PLEKHG4B: variants seen among roughly 807,000 people sequenced by gnomAD.
PLEKHG4B encodes pleckstrin homology domain-containing family G member 4B.
Under a neutral mutation model 121.3 loss-of-function variants are expected in PLEKHG4B, and 111 were observed. The observed-to-expected ratio is 0.92, with a 90% CI of 0.78 to 1.07. PLEKHG4B has a LOEUF of 1.07. Among genes scored for constraint, PLEKHG4B ranks in the 50% least tolerant of loss-of-function variants. PLEKHG4B has a pLI of 0.00. For synonymous variants in PLEKHG4B, 738 were observed against 725.0 expected, an observed-to-expected ratio of 1.02 and a Z score of -0.29; for missense variants, 1,831 against 1,757.8, an observed-to-expected ratio of 1.04 and a Z score of -0.74.
In PLEKHG4B at chr5:169,833, G is replaced by A. The variant is rs535624832; in HGVS notation, c.3729+241G>A. 6.6e-5 allele frequency among the ~76,000 whole-genome samples: 10 copies of A among 152,356 alleles called. No homozygotes were observed. The South Asian group carries it at 2.1e-3, about 32-fold the overall frequency. On this transcript the variant is annotated intron_variant, in intron 14 of 19. Transcript: ENST00000637938. ...GACCGACTGTGTCCCTGCTGCCCCT[G>A]GAGGCGGAGGCTCACAGACACCATC...
chr5:141,898 C>T (rs571777159), intron 3 of PLEKHG4B, among the ~76,000 whole-genome samples: 2 of 152,244 alleles, frequency 1.3e-5, no homozygotes, highest in Non-Finnish European at 2.9e-5. Flanking sequence ...TGGAGACAGC[C>T]ACGCCTGCCC....
chr5:181,384 G>A (rs61710713), intron 18 of PLEKHG4B, 130 bp from the exon 19 acceptor site: 50,588 of 943,708 alleles, frequency 0.054, 2,658 homozygotes, highest in African/African-American at 0.24. Context: ...CATGCCCCTC[G>A]TGGGGCAGGG....
rs530347413 is a variant in PLEKHG4B at position 174,994 on chromosome 5, TG to T, written c.4402+901del. On this transcript the variant is annotated intron_variant, in intron 18 of 19. Transcript: ENST00000637938. The stretch of plus-strand genomic sequence containing the variant: ...AGAGGCCCACCCGGTCTGGGGCACC[TG>T]GGGGCTCCTCGGTCAGCACTTGACA... Among the ~76,000 whole-genome samples the T allele has an allele frequency of 9.9e-5, 15 of 152,224 alleles. No individual in the cohort carries two copies. In the East Asian group the frequency reaches 2.5e-3, roughly 25 times the overall value.
At chr5:130,171 C>T (rs1397076054) in intron 2 of PLEKHG4B, among the ~76,000 whole-genome samples, 1 of 152,040 alleles carries the variant, frequency 6.6e-6, no homozygotes, top group East Asian at 1.9e-4. Flanking sequence ...AAATTGATGG[C>T]AGAAACATCT....
rs1735911114 is a variant in PLEKHG4B at position 159,231 on chromosome 5, TGCACTGAGGGCAGGTGTGCCTGAGGGTC to T, written c.2487+2323_2487+2350del. 8.1e-6 allele frequency among the ~76,000 whole-genome samples: 1 copy of T among 122,880 alleles called. No individual in the cohort carries two copies. The highest frequency in any genetic ancestry group is 1.7e-5 in the Non-Finnish European group (1 of 59,084). The allele number at this position is 122,880 out of a possible 152,430, so 80.6% of individuals were successfully genotyped here. ...CAGGTGTGCCTGAGGGTCGCCCAGG[TGCACTGAGGGCAGGTGTGCCTGAGGGTC>T]GCCCAGGTGCACTGAGGGCAGGTGT... On this transcript the variant is annotated intron_variant, in intron 11 of 19. Transcript: ENST00000637938. This position sits in a 1 kb window ranked among gnomAD's most constrained non-coding sequence, Gnocchi z 5.5.
intron 14 of PLEKHG4B, among the ~76,000 whole-genome samples, chr5:170,102 A>G (rs895814918): frequency 2.6e-5 from 4 of 152,214 alleles, no homozygotes; most frequent in African/African-American, 9.7e-5. Flanking sequence ...GTTGCTTCTC[A>G]GTGATGAATG....
intron 18 of PLEKHG4B, 75 bp from the exon 19 acceptor site, chr5:181,439 G>A (rs747425024): frequency 2.9e-5 from 43 of 1,485,398 alleles, no homozygotes; most frequent in Non-Finnish European, 3.6e-5. Context: ...GAGGGCATTA[G>A]GGGTACCGGG....
At chr5:98,837 C>CTTTTTTTTTTTTT (rs925964165) in intron 1 of PLEKHG4B, among the ~76,000 whole-genome samples, 1 of 79,298 alleles carries the variant, frequency 1.3e-5, no homozygotes, top group African/African-American at 5.2e-5. Context: ...TTGAATTTTC[C>CTTTTTTTTTTTTT]TTTTTTTTTT....
chr5:177,012 G>A (rs1401727148), intron 18 of PLEKHG4B, among the ~76,000 whole-genome samples: 4 of 152,272 alleles, frequency 2.6e-5, no homozygotes, highest in East Asian at 3.9e-4. Context: ...GTCACTTAAG[G>A]CCTCTTGACT....
chr5:115,702 G>A (rs1734284238), intron 2 of PLEKHG4B, among the ~76,000 whole-genome samples: 1 of 152,194 alleles, frequency 6.6e-6, no homozygotes, highest in Non-Finnish European at 1.5e-5. Context: ...ACGTTAAGGA[G>A]ATGGCTTCTT....
At chr5:148,431 A>G (rs1308469848) in intron 6 of PLEKHG4B, among the ~76,000 whole-genome samples, 1 of 152,194 alleles carries the variant, frequency 6.6e-6, no homozygotes, top group African/African-American at 2.4e-5. Context: ...ACACTTCTCT[A>G]TGCTAACAGT....
At chr5:167,881 T>C (rs1736404630) in intron 13 of PLEKHG4B, among the ~76,000 whole-genome samples, 1 of 152,254 alleles carries the variant, frequency 6.6e-6, no homozygotes, top group South Asian at 2.1e-4. Flanking sequence ...TTTTGGATGC[T>C]TAGCATGTTT....
Position 151,588 on chromosome 5 carries a change from G to T in PLEKHG4B, c.1981G>T (p.Ala661Ser), listed in dbSNP as rs1735606917. The T allele has an allele frequency of 6.3e-7, 1 of 1,582,686 alleles. No individual in the cohort carries two copies. The stretch of plus-strand genomic sequence containing the variant: ...ATCTGCATTTAGGCCTGACAAGGAT[G>T]CAATAATTCAGGTAATGGTTTAGAC... ...KESAFRPDKDAIIQCEVVSSL... is the reference protein window; with the variant it reads ...KESAFRPDKDSIIQCEVVSSL... Residue 661 changes from alanine to serine, a missense_variant, in exon 7 of 20, where the codon GCA (alanine) becomes TCA (serine). Ala to Ser is a moderately conservative substitution (Grantham distance 99, BLOSUM62 1). Coordinates refer to ENST00000637938, the MANE Select transcript of PLEKHG4B (RefSeq NM_052909.5).
intron 7 of PLEKHG4B, 98 bp downstream of exon 7, chr5:151,697 A>G: frequency 1.3e-6 from 1 of 766,580 alleles, no homozygotes; most frequent in African/African-American, 1.8e-5. Context: ...GATAAGTTCT[A>G]ATTGCATCCA....
At chr5:154,206 G>C (rs754403882) in intron 7 of PLEKHG4B, among the ~76,000 whole-genome samples, 1 of 151,590 alleles carries the variant, frequency 6.6e-6, no homozygotes, top group Non-Finnish European at 1.5e-5. Flanking sequence ...GGGTTTTACC[G>C]TGTTGGCCAG....
At chr5:163,754 ACTGC>A (rs1475543975) in intron 13 of PLEKHG4B, among the ~76,000 whole-genome samples, 1 of 152,202 alleles carries the variant, frequency 6.6e-6, no homozygotes, top group Non-Finnish European at 1.5e-5. Context: ...ACCACTGAAA[ACTGC>A]CTGGATGGTG....
At chr5:111,439 G>A (rs1007975138) in intron 1 of PLEKHG4B, among the ~76,000 whole-genome samples, 6 of 152,346 alleles carry the variant, frequency 3.9e-5, no homozygotes, top group East Asian at 1.9e-4. Flanking sequence ...GCTTGACAGC[G>A]CAGTGCACCA....
At position 111,944 on chromosome 5, in the gene PLEKHG4B, A is replaced by G. The variant is rs1451545669; in HGVS notation, c.46-1307A>G. Among the ~76,000 whole-genome samples the G allele has an allele frequency of 2.8e-5, 4 of 144,162 alleles. No individual in the cohort carries two copies. The South Asian group carries it at 8.4e-4, about 30-fold the overall frequency. The allele number at this position is 144,162 out of a possible 152,430, so 94.6% of individuals were successfully genotyped here. A position where few individuals can be genotyped will look rare whatever the true frequency, so the allele number is the denominator to read the frequency against. ...GCCTGAGACGGGCCCACTCATTCTC[A>G]TGGACTGTGTGACCCTGGCCTGAGA... On this transcript the variant is annotated intron_variant, in intron 1 of 19. Transcript: ENST00000637938.
At chr5:181,737 G>A (rs946062255) in intron 19 of PLEKHG4B, 62 bp downstream of exon 19, 25 of 1,564,164 alleles carry the variant, frequency 1.6e-5, no homozygotes, top group African/African-American at 2.7e-5. Context: ...GTCATCAAGG[G>A]CATGGGTACG....
Sources: gnomAD v4.1 joint callset for allele counts (sites outside exome capture counted in the v4.1 genomes callset) on GRCh38, gnomAD v4.1.1 for gene constraint, Gnocchi (gnomAD v3.1) non-coding constraint, MANE v1.5 for transcripts, NCBI Gene and HGNC (gene_info 2026-07-23, HGNC 2026-07-21) for gene names.